Variants in CFHR3 observed in about 807,000 individuals in gnomAD.
CFHR3 encodes the protein complement factor H-related protein 3.
Under a neutral mutation model 36.0 loss-of-function variants are expected in CFHR3, and 22 were observed. That is an observed-to-expected ratio of 0.61 (90% CI 0.44 to 0.87). The LOEUF (loss-of-function observed/expected upper bound fraction) is 0.87, where lower values mean the gene tolerates loss of function less well. Ranked by LOEUF, CFHR3 falls within the 40% of genes least tolerant of loss-of-function variation. CFHR3 has a pLI of 0.00. For missense variants in CFHR3, 276 were observed against 401.3 expected (o/e 0.69, Z 2.67); for synonymous variants, 97 against 137.4 (o/e 0.71, Z 2.06).
chr1:196,783,712 T>C (rs1007562761), intron 3 of CFHR3, among the ~76,000 whole-genome samples: 1 of 136,262 alleles, frequency 7.3e-6, no homozygotes, highest in African/African-American at 3.1e-5. Context: ...TTATTACTCT[T>C]GCTAGCAGTC....
intron 1 of CFHR3, among the ~76,000 whole-genome samples, chr1:196,777,634 C>T (rs1653776589): frequency 7.3e-6 from 1 of 136,602 alleles, no homozygotes; most frequent in African/African-American, 3.1e-5. Flanking sequence ...AAACGATTTT[C>T]AGAAACAAAC....
intron 3 of CFHR3, among the ~76,000 whole-genome samples, chr1:196,781,696 A>T (rs1328319833): frequency 7.4e-6 from 1 of 134,312 alleles, no homozygotes; most frequent in Non-Finnish European, 1.6e-5. Context: ...TAGATTCTGG[A>T]TATTAGCCCT....
rs1235339524 is a variant in CFHR3, at chr1:196,783,882, T to C, written c.430+3909T>C. 9.8e-4 allele frequency among the ~76,000 whole-genome samples: 133 copies of C among 135,598 alleles called. 34 individuals are homozygous for C. The highest frequency in any genetic ancestry group is 3.9e-3 in the African/African-American group (126 of 32,142). 89.0% of individuals were successfully genotyped at this position (135,598 alleles called of 152,430 possible). On this transcript the variant is annotated intron_variant, in intron 3 of 5. Transcript: ENST00000367425. ...TTTGCTCTTGCTTTTCTAGTTCTTT[T>C]AATTGTGATGTTAGGGTGTCAATTT... is the stretch of plus-strand genomic sequence containing the variant.
rs1654444001 is a variant in CFHR3, at chr1:196,792,000, T to G, written c.797-1317T>G. Among the ~76,000 whole-genome samples, 3 of 133,726 alleles carry G rather than the reference T, an allele frequency of 2.2e-5. 1 individual carries two copies. Among genetic ancestry groups the G allele is most frequent in the African/African-American group, 9.7e-5 (3 of 31,062 alleles). 87.7% of individuals were successfully genotyped at this position (133,726 alleles called of 152,430 possible). A position where few individuals can be genotyped will look rare whatever the true frequency, so the allele number is the denominator to read the frequency against. Reference sequence around the variant, plus strand: ...AGCAAAGAGCATTCAAGCACAGAATTCTAGGGAAAAAGGCAACCTTATGGA... The same window carrying G: ...AGCAAAGAGCATTCAAGCACAGAATGCTAGGGAAAAAGGCAACCTTATGGA... On this transcript the variant is annotated intron_variant, in intron 5 of 5. Transcript: ENST00000367425.
chr1:196,787,534 T>C (rs1654257466), intron 3 of CFHR3, among the ~76,000 whole-genome samples: 1 of 137,644 alleles, frequency 7.3e-6, no homozygotes, highest in Non-Finnish European at 1.5e-5. Context: ...TCTTAAAACA[T>C]ATGCGTTACT....
chr1:196,784,450 A>C (rs1386325592), intron 3 of CFHR3, among the ~76,000 whole-genome samples: 1 of 135,120 alleles, frequency 7.4e-6, no homozygotes, highest in Non-Finnish European at 1.6e-5. Context: ...GTCTCTTTGT[A>C]GGTCACTCCA....
At chr1:196,785,493 T>TA (rs1312934941) in intron 3 of CFHR3, among the ~76,000 whole-genome samples, 1 of 135,244 alleles carries the variant, frequency 7.4e-6, no homozygotes, top group Admixed American at 7.1e-5. Flanking sequence ...CTTGGAGGTT[T>TA]TGTTCATTTC....
At chr1:196,783,680 T>G (rs1444350759) in intron 3 of CFHR3, among the ~76,000 whole-genome samples, 3 of 136,236 alleles carry the variant, frequency 2.2e-5, no homozygotes, top group Non-Finnish European at 4.7e-5. Context: ...TGTGTCTATT[T>G]GATTCATCTC....
At chr1:196,789,572 T>G in intron 4 of CFHR3, 1 of 1,180,122 alleles carries the variant, frequency 8.5e-7, no homozygotes, top group South Asian at 2.2e-5. Context: ...CCCTTACTGT[T>G]AGTAAATCGT....
In CFHR3 at chr1:196,781,049, G is replaced by T. The variant is rs112457375; in HGVS notation, c.430+1076G>T. 1.0e-3 allele frequency among the ~76,000 whole-genome samples: 129 copies of T among 125,388 alleles called. 32 individuals carry two copies. Among genetic ancestry groups the T allele is most frequent in the African/African-American group, 4.3e-3 (122 of 28,060 alleles). 82.3% of individuals were successfully genotyped at this position (125,388 alleles called of 152,430 possible). A position where few individuals can be genotyped will look rare whatever the true frequency, so the allele number is the denominator to read the frequency against. ...TCCCACCTATGAGTGAGAACACGTG[G>T]TGTTTGGTGTTTTGTCCTTGTGATA... is the stretch of plus-strand genomic sequence containing the variant. On this transcript the variant is annotated intron_variant, in intron 3 of 5. Coordinates refer to ENST00000367425, the MANE Select transcript of CFHR3 (RefSeq NM_021023.6).
chr1:196,782,120 C>A (rs199752589), intron 3 of CFHR3, among the ~76,000 whole-genome samples: 1 of 135,070 alleles, frequency 7.4e-6, no homozygotes, highest in African/African-American at 3.1e-5. Flanking sequence ...TGTAGATATG[C>A]AGCGTTATTT....
Position 196,779,371 on chromosome 1 carries a change from G to C in CFHR3, c.253+15G>C. ...ACCATGTCTCAGTAAGTAATCCTCT[G>C]AACTGCTACACATGTATAAAACTTT... On this transcript the variant is annotated intron_variant, in intron 2 of 5. Coordinates refer to ENST00000367425, the MANE Select transcript of CFHR3 (RefSeq NM_021023.6). The C allele has an allele frequency of 7.0e-7, 1 of 1,437,226 alleles. No individual in the cohort carries two copies. Among genetic ancestry groups the C allele is most frequent in the Admixed American group, 1.7e-5 (1 of 57,998 alleles). The allele number at this position is 1,437,226 out of a possible 1,614,324, so 89.0% of individuals were successfully genotyped here. A position where few individuals can be genotyped will look rare whatever the true frequency, so the allele number is the denominator to read the frequency against.
chr1:196,779,668 T>C lies in CFHR3; in HGVS notation c.254-129T>C. ...CTTTGTTAGTAATTTTGGTTCATAC[T>C]AAGTTGTACATTATTTTTGGATGTT... On this transcript the variant is annotated intron_variant, in intron 2 of 5. Coordinates refer to ENST00000367425, the MANE Select transcript of CFHR3 (RefSeq NM_021023.6). The C allele has an allele frequency of 3.3e-6, 4 of 1,230,028 alleles. 1 individual carries two copies. The South Asian group carries it at 7.2e-5, about 22-fold the overall frequency. The allele number at this position is 1,230,028 out of a possible 1,614,324, so 76.2% of individuals were successfully genotyped here. A position where few individuals can be genotyped will look rare whatever the true frequency, so the allele number is the denominator to read the frequency against.
At chr1:196,786,597 A>G (rs1177286478) in intron 3 of CFHR3, among the ~76,000 whole-genome samples, 1 of 135,128 alleles carries the variant, frequency 7.4e-6, no homozygotes, top group African/African-American at 3.1e-5. Context: ...TGGGCATAGG[A>G]CCCTCTGAGC....
At position 196,786,940 on chromosome 1, in the gene CFHR3, C is replaced by T. The variant is rs1290318676; in HGVS notation, c.431-1276C>T. 4.4e-5 allele frequency among the ~76,000 whole-genome samples: 6 copies of T among 137,610 alleles called. 2 individuals are homozygous for T. The highest frequency in any genetic ancestry group is 6.2e-5 in the Non-Finnish European group (4 of 64,718). The allele number at this position is 137,610 out of a possible 152,430, so 90.3% of individuals were successfully genotyped here. A position where few individuals can be genotyped will look rare whatever the true frequency, so the allele number is the denominator to read the frequency against. On this transcript the variant is annotated intron_variant, in intron 3 of 5. Coordinates refer to ENST00000367425, the MANE Select transcript of CFHR3 (RefSeq NM_021023.6). The stretch of plus-strand genomic sequence containing the variant: ...TAGACCAGAGCTGTTCCGATTTGGC[C>T]ATCTTGGCTGCCCTCTATGATATCT...
intron 3 of CFHR3, among the ~76,000 whole-genome samples, chr1:196,783,122 T>C (rs1305836239): frequency 2.2e-5 from 3 of 137,116 alleles, no homozygotes; most frequent in Non-Finnish European, 3.1e-5. Flanking sequence ...TTTGCGTATA[T>C]TGAACTAGCC....
intron 1 of CFHR3, among the ~76,000 whole-genome samples, chr1:196,778,150 A>G (rs1278384168): frequency 7.4e-6 from 1 of 135,412 alleles, no homozygotes; most frequent in Admixed American, 7.1e-5. Context: ...TGGAGGAGAC[A>G]CTCAGCAGAA....
rs201326691 is a variant in CFHR3 at position 196,789,673 on chromosome 1, C to T, written c.614-372C>T. On this transcript the variant is annotated intron_variant, in intron 4 of 5. Transcript: ENST00000367425. The stretch of plus-strand genomic sequence containing the variant: ...GTGACACATTGGACTACGAATGCTA[C>T]GATGGATATGAAATCAGTTATGGAA... 1.4e-3 allele frequency: 2,033 copies of T among 1,460,506 alleles called. 363 individuals carry two copies. Among genetic ancestry groups the T allele is most frequent in the South Asian group, 6.4e-3 (441 of 69,194 alleles). 90.5% of individuals were successfully genotyped at this position (1,460,506 alleles called of 1,614,324 possible). A position where few individuals can be genotyped will look rare whatever the true frequency, so the allele number is the denominator to read the frequency against.
rs756850822 is a variant in CFHR3 at position 196,793,401 on chromosome 1, C to T, written c.881C>T (p.Thr294Ile). The T allele has an allele frequency of 1.3e-6, 2 of 1,525,698 alleles. No individual in the cohort carries two copies. The highest frequency in any genetic ancestry group is 3.3e-5 in the African/African-American group (2 of 59,964). 94.5% of individuals were successfully genotyped at this position (1,525,698 alleles called of 1,614,324 possible). A position where few individuals can be genotyped will look rare whatever the true frequency, so the allele number is the denominator to read the frequency against. Reference protein sequence around the residue: ...GRSDRKYYAKTGDTIEFMCKL... With the variant: ...GRSDRKYYAKIGDTIEFMCKL... ...AGTGACAGAAAATATTATGCAAAAA[C>T]AGGGGATACCATTGAATTTATGTGT... The change falls in exon 6 of 6, where the codon ACA becomes ATA. Residue 294 changes from threonine (T) to isoleucine (I), a missense_variant. Physicochemically the swap from Thr to Ile is moderately conservative, Grantham distance 89. This residue lies in a region of CFHR3 where 76 missense variants were observed against 79.8 expected (regional missense o/e 0.95). Transcript: ENST00000367425.
Sources: allele counts gnomAD v4.1 joint callset (sites outside exome capture counted in the v4.1 genomes callset), GRCh38; gene constraint gnomAD v4.1.1; regional missense constraint gnomAD v4.1.1; transcripts MANE v1.5; gene names NCBI Gene and HGNC (gene_info 2026-07-23, HGNC 2026-07-21).